NIPAL2: variants seen among roughly 807,000 people sequenced by gnomAD.
The protein encoded by NIPAL2 is NIPA like domain containing 2.
NIPAL2 carries 43 observed loss-of-function variants against 48.9 expected under a neutral mutation model. The observed-to-expected ratio is 0.88, with a 90% CI of 0.69 to 1.13. The LOEUF (loss-of-function observed/expected upper bound fraction) is 1.13, where lower values mean the gene tolerates loss of function less well. Among genes scored for constraint, NIPAL2 ranks in the 50% most tolerant of loss-of-function variants. The pLI is 0.00. For missense variants in NIPAL2, 446 were observed against 461.4 expected (o/e 0.97, Z 0.31); for synonymous variants, 167 against 174.6 (o/e 0.96, Z 0.34).
Position 98,236,159 on chromosome 8 carries a change from T to A in NIPAL2, c.432A>T (p.Leu144Phe). 3.1e-6 allele frequency: 5 copies of A among 1,587,414 alleles called. No homozygotes were observed. Among genetic ancestry groups the A allele is most frequent in the Non-Finnish European group, 4.3e-6 (5 of 1,160,372 alleles). Residue 144 changes from leucine (L) to phenylalanine (F), a missense_variant, in exon 4 of 11, where the codon TTA becomes TTT. By Grantham distance (22) the Leu-to-Phe change is conservative (BLOSUM62 0). Transcript: ENST00000430223. ...ATGAATTAAATAATTACTTACCGAG[T>A]AAGTCTGAGGCTCTCAAATTGTCTT... ...FLKDNLRASD[L>F]LGTTLAFAGT...
intron 1 of NIPAL2, 43 bp downstream of exon 1, chr8:98,293,960 C>T: frequency 7.2e-7 from 1 of 1,382,650 alleles, no homozygotes; most frequent in Non-Finnish European, 9.4e-7. Flanking sequence ...GCCGCCCTGG[C>T]CGCGTCCCCA....
At chr8:98,230,558 C>T (rs1252614406) in intron 4 of NIPAL2, among the ~76,000 whole-genome samples, 1 of 152,132 alleles carries the variant, frequency 6.6e-6, no homozygotes, top group Non-Finnish European at 1.5e-5. Flanking sequence ...ACATATTTGA[C>T]CATTTATATT....
At chr8:98,239,309 A>G (rs1029550738) in intron 3 of NIPAL2, among the ~76,000 whole-genome samples, 4 of 152,198 alleles carry the variant, frequency 2.6e-5, no homozygotes, top group African/African-American at 4.8e-5. Context: ...ACTGGCACTC[A>G]TATTTCCTTG....
At chr8:98,274,265 CTA>C in intron 1 of NIPAL2, among the ~76,000 whole-genome samples, 1 of 151,900 alleles carries the variant, frequency 6.6e-6, no homozygotes, top group South Asian at 2.1e-4. Flanking sequence ...ATCTATCTAT[CTA>C]TCTCTCTATC....
At chr8:98,242,635 A>G (rs62524190) in intron 3 of NIPAL2, among the ~76,000 whole-genome samples, 22,646 of 151,650 alleles carry the variant, frequency 0.15, 2,208 homozygotes, top group Non-Finnish European at 0.21. Context: ...ATAGGAGCCC[A>G]CCACTATGCC....
chr8:98,219,555 G>A (rs1349103213), intron 5 of NIPAL2, among the ~76,000 whole-genome samples: 1 of 152,002 alleles, frequency 6.6e-6, no homozygotes, highest in African/African-American at 2.4e-5. Flanking sequence ...GGCAATTCAT[G>A]GAGAGGAATT....
intron 3 of NIPAL2, among the ~76,000 whole-genome samples, chr8:98,240,698 A>G (rs910340100): frequency 1.3e-5 from 2 of 152,204 alleles, no homozygotes; most frequent in Admixed American, 6.5e-5. Flanking sequence ...GATTCATGAG[A>G]ATGCTGGGAA....
chr8:98,260,246 A>G (rs1288994446), intron 1 of NIPAL2, among the ~76,000 whole-genome samples: 4 of 152,166 alleles, frequency 2.6e-5, no homozygotes, highest in African/African-American at 7.2e-5. Context: ...TTTGACTCTC[A>G]GTTTTCTCAA....
At chr8:98,244,231 A>C (rs1813146574) in intron 3 of NIPAL2, among the ~76,000 whole-genome samples, 1 of 145,616 alleles carries the variant, frequency 6.9e-6, no homozygotes, top group African/African-American at 2.5e-5. Context: ...GGTGTGGGCC[A>C]CAGTAATAAG....
At chr8:98,206,117 T>TA (rs1811022040) in intron 6 of NIPAL2, among the ~76,000 whole-genome samples, 1 of 152,180 alleles carries the variant, frequency 6.6e-6, no homozygotes, top group Non-Finnish European at 1.5e-5. Flanking sequence ...CCCTCGAAGT[T>TA]ACTGTTGCAA....
chr8:98,264,887 C>G (rs1376384559), intron 1 of NIPAL2, among the ~76,000 whole-genome samples: 1 of 151,528 alleles, frequency 6.6e-6, no homozygotes, highest in Non-Finnish European at 1.5e-5. Flanking sequence ...ACTATACTAC[C>G]AGGCTACAGT....
intron 3 of NIPAL2, among the ~76,000 whole-genome samples, chr8:98,238,641 C>T (rs1277240012): frequency 1.3e-5 from 2 of 149,334 alleles, no homozygotes; most frequent in African/African-American, 5.0e-5. Context: ...AGCTTTTTCT[C>T]ATTCTGGTTG....
chr8:98,265,368 T>C (rs1814651656), intron 1 of NIPAL2, among the ~76,000 whole-genome samples: 1 of 140,472 alleles, frequency 7.1e-6, no homozygotes, highest in South Asian at 2.4e-4. Flanking sequence ...GAGAAAATTT[T>C]CGCAACCTAC....
At chr8:98,208,512 G>A (rs373626544) in intron 6 of NIPAL2, among the ~76,000 whole-genome samples, 10 of 151,976 alleles carry the variant, frequency 6.6e-5, no homozygotes, top group African/African-American at 1.5e-4. Context: ...GCAATGGTGC[G>A]ATCTTGGCTC....
At chr8:98,236,023 T>C (rs1586368372) in intron 4 of NIPAL2, 132 bp downstream of exon 4, 1 of 610,124 alleles carries the variant, frequency 1.6e-6, no homozygotes, top group East Asian at 3.3e-5. Flanking sequence ...GAATAATGCC[T>C]GACTCTAAAT....
intron 5 of NIPAL2, among the ~76,000 whole-genome samples, chr8:98,213,047 T>C (rs1209470210): frequency 3.9e-5 from 6 of 152,224 alleles, no homozygotes; most frequent in African/African-American, 1.4e-4. Context: ...ACAATTTGGA[T>C]AATGAAATAT....
intron 5 of NIPAL2, among the ~76,000 whole-genome samples, chr8:98,220,964 C>CTTTTTTTTTTTTTTTTTTT (rs557824737): frequency 2.9e-5 from 2 of 68,636 alleles, no homozygotes; most frequent in Non-Finnish European, 5.1e-5. Flanking sequence ...TCATTTCATT[C>CTTTTTTTTTTTTTTTTTTT]TTTTTTTTTT....
intron 3 of NIPAL2, 137 bp downstream of exon 3, chr8:98,252,323 GAAT>G: frequency 1.2e-6 from 1 of 815,170 alleles, no homozygotes; most frequent in East Asian, 2.8e-5. Context: ...GAAATTAGCA[GAAT>G]AATTGTTCCA....
At chr8:98,269,468 C>T (rs918867714) in intron 1 of NIPAL2, among the ~76,000 whole-genome samples, 1 of 152,144 alleles carries the variant, frequency 6.6e-6, no homozygotes, top group Non-Finnish European at 1.5e-5. Context: ...CTTGGGTGAC[C>T]AGATGCATTG....
Sources: allele counts gnomAD v4.1 joint callset (sites outside exome capture counted in the v4.1 genomes callset), GRCh38; gene constraint gnomAD v4.1.1; transcripts MANE v1.5; gene names NCBI Gene and HGNC (gene_info 2026-07-23, HGNC 2026-07-21).